The following SGPP2 variants were observed in gnomAD, a reference collection of about 807,000 sequenced individuals.
The protein encoded by SGPP2 is sphingosine-1-phosphate phosphatase 2.
SGPP2 carries 30 observed loss-of-function variants against 33.9 expected under a neutral mutation model. The observed-to-expected ratio is 0.89, with a 90% CI of 0.66 to 1.20. The LOEUF (loss-of-function observed/expected upper bound fraction) is 1.20, where lower values mean the gene tolerates loss of function less well. Among genes scored for constraint, SGPP2 ranks in the 50% most tolerant of loss-of-function variants. The probability of loss-of-function intolerance (pLI) is 0.00; values close to 1 mark genes in which losing one functional copy is unlikely to be tolerated. For missense variants in SGPP2, 458 were observed against 532.1 expected, an observed-to-expected ratio of 0.86 and a Z score of 1.37; for synonymous variants, 233 against 225.0, an observed-to-expected ratio of 1.04 and a Z score of -0.32.
intron 1 of SGPP2, among the ~76,000 whole-genome samples, chr2:222,425,860 A>G (rs895765507): frequency 1.3e-5 from 2 of 152,126 alleles, no homozygotes; most frequent in African/African-American, 4.8e-5. Flanking sequence ...GTGGAATGGA[A>G]TATTATAGGC....
chr2:222,507,486 G>A (rs1443262856), intron 2 of SGPP2, among the ~76,000 whole-genome samples: 1 of 152,176 alleles, frequency 6.6e-6, no homozygotes, highest in Non-Finnish European at 1.5e-5. Context: ...AAAGCTAAAG[G>A]TTTTGATCTT....
intron 1 of SGPP2, among the ~76,000 whole-genome samples, chr2:222,471,720 A>C (rs1697846134): frequency 6.6e-6 from 1 of 152,168 alleles, no homozygotes. Flanking sequence ...CAAAACAAAA[A>C]TCCAGATCTC....
intron 4 of SGPP2, among the ~76,000 whole-genome samples, chr2:222,555,395 T>G (rs1234021628): frequency 6.6e-6 from 1 of 151,754 alleles, no homozygotes; most frequent in Non-Finnish European, 1.5e-5. Flanking sequence ...TTCATATATT[T>G]AAAAGACATT....
intron 4 of SGPP2, among the ~76,000 whole-genome samples, chr2:222,527,350 C>T (rs77125834): frequency 0.031 from 4,749 of 152,206 alleles, 101 homozygotes; most frequent in African/African-American, 0.057. Context: ...GAACTGAACC[C>T]GCTGTGACTC....
intron 2 of SGPP2, among the ~76,000 whole-genome samples, chr2:222,488,616 G>A (rs987332381): frequency 1.4e-4 from 22 of 152,142 alleles, no homozygotes; most frequent in African/African-American, 5.3e-4. Context: ...GAGTCACTAG[G>A]AATCATGTGG....
chr2:222,459,713 T>C (rs1458272748), intron 1 of SGPP2, among the ~76,000 whole-genome samples: 2 of 152,112 alleles, frequency 1.3e-5, no homozygotes, highest in Non-Finnish European at 2.9e-5. Flanking sequence ...AACCTCTATC[T>C]ACCATTCTGA....
chr2:222,494,205 A>G (rs1458932532), intron 2 of SGPP2, among the ~76,000 whole-genome samples: 1 of 152,202 alleles, frequency 6.6e-6, no homozygotes, highest in African/African-American at 2.4e-5. Context: ...GTGTTGCCCA[A>G]TTCTAGAATC....
chr2:222,463,942 T>C (rs1298776318), intron 1 of SGPP2, among the ~76,000 whole-genome samples: 1 of 150,244 alleles, frequency 6.7e-6, no homozygotes, highest in African/African-American at 2.5e-5. Context: ...AGAGACTGAA[T>C]CAACCCTCCC....
At chr2:222,512,633 A>C (rs918425460) in intron 2 of SGPP2, among the ~76,000 whole-genome samples, 1 of 151,814 alleles carries the variant, frequency 6.6e-6, no homozygotes, top group Middle Eastern at 3.4e-3. Flanking sequence ...CTGCCTGTTC[A>C]CCCCTCCCTC....
chr2:222,512,687 G>C (rs1698547384), intron 2 of SGPP2, among the ~76,000 whole-genome samples: 1 of 152,096 alleles, frequency 6.6e-6, no homozygotes, highest in South Asian at 2.1e-4. Context: ...CTGTCTTCAT[G>C]GTTTTGCCTT....
At chr2:222,520,737 A>AAAC (rs1553539833) in intron 2 of SGPP2, among the ~76,000 whole-genome samples, 3,854 of 140,294 alleles carry the variant, frequency 0.027, 133 homozygotes, top group Non-Finnish European at 0.044. Context: ...AAAAAAAAAA[A>AAAC]AAAAAAAACC....
intron 1 of SGPP2, among the ~76,000 whole-genome samples, chr2:222,459,149 T>C (rs1574841421): frequency 1.4e-5 from 2 of 141,866 alleles, no homozygotes; most frequent in Non-Finnish European, 3.1e-5. Flanking sequence ...TTTCTTTTTT[T>C]TTTTTTTTTT....
At chr2:222,554,383 C>T (rs1370414530) in intron 4 of SGPP2, among the ~76,000 whole-genome samples, 1 of 152,192 alleles carries the variant, frequency 6.6e-6, no homozygotes, top group Non-Finnish European at 1.5e-5. Flanking sequence ...CATGAGTCCT[C>T]TATAGGTGGA....
intron 1 of SGPP2, among the ~76,000 whole-genome samples, chr2:222,463,136 CTT>C (rs1697690960): frequency 6.6e-6 from 1 of 152,220 alleles, no homozygotes; most frequent in African/African-American, 2.4e-5. Flanking sequence ...CAGCAAGACT[CTT>C]TTGGCAAAAT....
chr2:222,558,508 C>T lies in SGPP2; in HGVS notation c.810C>T (p.Tyr270=). ...ACAATTACCCTGTTTCTGATTACTACAGCCCAACCCGGGCGGACACCACCA... is the reference window on the plus strand; with the variant it reads ...ACAATTACCCTGTTTCTGATTACTATAGCCCAACCCGGGCGGACACCACCA... ...LCYNYPVSDY[Y]SPTRADTTTI... The change falls in exon 5 of 5, where the codon TAC becomes TAT. Residue 270 remains tyrosine, a synonymous_variant. Coordinates refer to ENST00000321276, the MANE Select transcript of SGPP2 (RefSeq NM_152386.4). 1.2e-6 allele frequency: 2 copies of T among 1,614,184 alleles called. No individual in the cohort carries two copies. Among genetic ancestry groups the T allele is most frequent in the Non-Finnish European group, 1.7e-6 (2 of 1,180,024 alleles).
intron 1 of SGPP2, among the ~76,000 whole-genome samples, chr2:222,457,761 C>T (rs1697594061): frequency 6.6e-6 from 1 of 152,206 alleles, no homozygotes; most frequent in South Asian, 2.1e-4. Flanking sequence ...CTCAACCAGG[C>T]CTCCAGTCTA....
intron 2 of SGPP2, among the ~76,000 whole-genome samples, chr2:222,486,310 CCTGG>C (rs1160202183): frequency 2.7e-4 from 41 of 152,122 alleles, no homozygotes; most frequent in Non-Finnish European, 1.2e-4. Flanking sequence ...TGCCTGAAGC[CCTGG>C]CCAGTGGTCT....
chr2:222,537,589 G>T (rs1698934047), intron 4 of SGPP2, among the ~76,000 whole-genome samples: 1 of 152,170 alleles, frequency 6.6e-6, no homozygotes, highest in African/African-American at 2.4e-5. Flanking sequence ...GGTTGATGAG[G>T]GGCTATGAGT....
At position 222,521,978 on chromosome 2, in the gene SGPP2, C is replaced by G. The variant is rs536636441; in HGVS notation, c.558+32C>G. ...TGGCCTGGTTCTTCTTCCTACCCAC[C>G]TACTGAGGCAGCAAATAGAGGCTGC... On this transcript the variant is annotated intron_variant, in intron 3 of 4. Transcript: ENST00000321276. 6.1e-6 allele frequency: 9 copies of G among 1,471,980 alleles called. No homozygotes were observed. The Admixed American group carries it at 1.3e-4, about 21-fold the overall frequency. 91.2% of individuals were successfully genotyped at this position (1,471,980 alleles called of 1,614,324 possible).
Sources: gnomAD v4.1 joint callset for allele counts (sites outside exome capture counted in the v4.1 genomes callset) on GRCh38, gnomAD v4.1.1 for gene constraint, MANE v1.5 for transcripts, NCBI Gene and HGNC (gene_info 2026-07-23, HGNC 2026-07-21) for gene names.